The following CFAP54 variants were observed in gnomAD, a reference collection of about 807,000 sequenced individuals.
The protein encoded by CFAP54 is cilia and flagella associated protein 54.
In CFAP54, 290 loss-of-function variants were observed where a neutral mutation model predicts 370.4. The ratio of observed to expected loss-of-function variants is 0.78; its 90% CI spans 0.71 to 0.86. CFAP54 has a LOEUF of 0.86. Ranked by LOEUF, CFAP54 falls within the 40% of genes least tolerant of loss-of-function variation. CFAP54 has a pLI of 0.00. For synonymous variants in CFAP54, 1,206 were observed against 1,236.5 expected (o/e 0.98, Z 0.52); for missense variants, 3,399 against 3,528.7 (o/e 0.96, Z 0.93).
chr12:96,726,649 G>A (rs910563733), intron 50 of CFAP54, among the ~76,000 whole-genome samples: 5 of 151,644 alleles, frequency 3.3e-5, no homozygotes, highest in African/African-American at 1.2e-4. Context: ...TTAATTTTTT[G>A]AAGGGTTTTT....
At chr12:96,535,829 C>T (rs1955496726) in intron 12 of CFAP54, among the ~76,000 whole-genome samples, 1 of 151,900 alleles carries the variant, frequency 6.6e-6, no homozygotes, top group African/African-American at 2.4e-5. Context: ...GGCTATGTTT[C>T]TAATAATGAA....
intron 55 of CFAP54, among the ~76,000 whole-genome samples, chr12:96,749,035 C>T (rs1387060083): frequency 6.6e-6 from 1 of 152,166 alleles, no homozygotes; most frequent in East Asian, 1.9e-4. Flanking sequence ...GCCTTAATTT[C>T]CTCATCTCAA....
chr12:96,503,084 CTT>C (rs1491339082), intron 2 of CFAP54, among the ~76,000 whole-genome samples: 1,869 of 124,206 alleles, frequency 0.015, 54 homozygotes, highest in African/African-American at 0.052. Context: ...CTTTCTTTCT[CTT>C]TCTTTCTTTC....
At chr12:96,514,065 CT>C (rs1246073676) in intron 5 of CFAP54, among the ~76,000 whole-genome samples, 4 of 152,162 alleles carry the variant, frequency 2.6e-5, no homozygotes, top group African/African-American at 9.7e-5. Context: ...TATTTATTCC[CT>C]GTATTAGTTT....
intron 67 of CFAP54, 146 bp from the exon 68 acceptor site, chr12:96,874,972 A>G (rs994478234): frequency 6.6e-6 from 1 of 151,546 alleles, no homozygotes; most frequent in Admixed American, 6.6e-5. Context: ...AGCGTTAGTG[A>G]CTCCATTATG....
At chr12:96,591,103 C>G (rs1008347561) in intron 23 of CFAP54, among the ~76,000 whole-genome samples, 20 of 152,090 alleles carry the variant, frequency 1.3e-4, no homozygotes, top group African/African-American at 4.1e-4. Context: ...AAGAAGCTGT[C>G]CAGAAAATGA....
At chr12:96,557,134 T>C (rs1327192936) in intron 17 of CFAP54, among the ~76,000 whole-genome samples, 1 of 148,250 alleles carries the variant, frequency 6.7e-6, no homozygotes, top group African/African-American at 2.5e-5. Context: ...TGTTTCCTTG[T>C]CTTTTCCAGC....
chr12:96,800,637 GT>G (rs1697119078), intron 63 of CFAP54, among the ~76,000 whole-genome samples: 1 of 152,138 alleles, frequency 6.6e-6, no homozygotes, highest in Non-Finnish European at 1.5e-5. Context: ...AAATATGGGT[GT>G]ATTTAAGCAT....
chr12:96,704,488 A>G (rs1187407285), intron 46 of CFAP54, among the ~76,000 whole-genome samples: 1 of 128,630 alleles, frequency 7.8e-6, no homozygotes, highest in Non-Finnish European at 1.7e-5. Flanking sequence ...ATATATATAT[A>G]TATATATATA....
At chr12:96,632,067 C>G (rs1956615690) in intron 32 of CFAP54, among the ~76,000 whole-genome samples, 1 of 151,874 alleles carries the variant, frequency 6.6e-6, no homozygotes, top group African/African-American at 2.4e-5. Flanking sequence ...CTCATTGTTT[C>G]AATTTTCATT....
chr12:96,838,748 G>A (rs951550318), intron 66 of CFAP54, among the ~76,000 whole-genome samples: 1 of 152,182 alleles, frequency 6.6e-6, no homozygotes, highest in Admixed American at 6.5e-5. Context: ...TATCAGATGG[G>A]AAAGACAGAG....
At chr12:96,725,732 G>A (rs1957824732) in intron 50 of CFAP54, among the ~76,000 whole-genome samples, 1 of 152,186 alleles carries the variant, frequency 6.6e-6, no homozygotes, top group South Asian at 2.1e-4. Flanking sequence ...AGTGGTGAGA[G>A]GGGGCATCCC....
chr12:96,615,455 A>G (rs1439566707), intron 26 of CFAP54, among the ~76,000 whole-genome samples: 6 of 152,214 alleles, frequency 3.9e-5, no homozygotes, highest in Admixed American at 3.9e-4. Context: ...GGCATGGGCA[A>G]GGACTTCATG....
intron 1 of CFAP54, among the ~76,000 whole-genome samples, chr12:96,499,971 A>G (rs1443246374): frequency 6.6e-6 from 1 of 151,518 alleles, no homozygotes; most frequent in African/African-American, 2.4e-5. Context: ...ACAAAACAAA[A>G]CAAAACAAAA....
At chr12:96,735,200 A>T (rs1338902206) in intron 50 of CFAP54, among the ~76,000 whole-genome samples, 1 of 152,234 alleles carries the variant, frequency 6.6e-6, no homozygotes. Flanking sequence ...GCTTTAATAG[A>T]ATTGAAAGCT....
chr12:96,593,977 A>G (rs566305766), intron 24 of CFAP54, among the ~76,000 whole-genome samples: 70 of 152,152 alleles, frequency 4.6e-4, no homozygotes, highest in African/African-American at 1.5e-3. Context: ...TGTTAATATA[A>G]TTTATATTTT....
intron 30 of CFAP54, among the ~76,000 whole-genome samples, chr12:96,628,212 G>T (rs1956567202): frequency 6.6e-6 from 1 of 152,312 alleles, no homozygotes; most frequent in African/African-American, 2.4e-5. Flanking sequence ...GTGACACATG[G>T]CTGTATAAAT....
intron 6 of CFAP54, among the ~76,000 whole-genome samples, chr12:96,521,083 G>A (rs150503248): frequency 1.3e-5 from 2 of 152,188 alleles, no homozygotes; most frequent in Non-Finnish European, 2.9e-5. Flanking sequence ...CTTTTATAGC[G>A]TTTTGGCCAT....
At chr12:96,608,735 T>C (rs184898682) in intron 26 of CFAP54, among the ~76,000 whole-genome samples, 27 of 152,244 alleles carry the variant, frequency 1.8e-4, no homozygotes, top group South Asian at 8.3e-4. Context: ...CTGCTGGGAT[T>C]ACAGGCGTGA....
Sources: allele counts gnomAD v4.1 joint callset (sites outside exome capture counted in the v4.1 genomes callset), GRCh38; gene constraint gnomAD v4.1.1; transcripts MANE v1.5; gene names NCBI Gene and HGNC (gene_info 2026-07-23, HGNC 2026-07-21).